TJP1: variants seen among roughly 807,000 people sequenced by gnomAD.
TJP1 encodes the protein tight junction protein 1.
A neutral mutation model predicts 194.2 loss-of-function variants in TJP1; 43 were observed. The ratio of observed to expected loss-of-function variants is 0.22; its 90% CI spans 0.17 to 0.29. The LOEUF (loss-of-function observed/expected upper bound fraction) is 0.29. Among genes scored for constraint, TJP1 ranks in the 10% least tolerant of loss-of-function variants. The pLI is 1.00. For synonymous variants in TJP1, 801 were observed against 779.0 expected, an observed-to-expected ratio of 1.03 and a Z score of -0.47; for missense variants, 1,971 against 2,185.7, an observed-to-expected ratio of 0.90 and a Z score of 1.96.
At chr15:29,775,028 C>G (rs750187170) in intron 2 of TJP1, among the ~76,000 whole-genome samples, 1 of 152,084 alleles carries the variant, frequency 6.6e-6, no homozygotes, top group South Asian at 2.1e-4. Flanking sequence ...AATTGCACAC[C>G]GTTATGAGCA....
At chr15:29,947,856 G>T (rs1036704172) in intron 2 of TJP1, among the ~76,000 whole-genome samples, 10 of 152,192 alleles carry the variant, frequency 6.6e-5, no homozygotes, top group African/African-American at 2.2e-4. Flanking sequence ...GGGCAGCCTG[G>T]AACAGTGCGG....
chr15:29,712,458 C>T (rs1260750374), intron 23 of TJP1, among the ~76,000 whole-genome samples: 1 of 152,144 alleles, frequency 6.6e-6, no homozygotes, highest in Non-Finnish European at 1.5e-5. Context: ...AGAAAATGGT[C>T]AATCTAACTA....
intron 11 of TJP1, 27 bp downstream of exon 11, chr15:29,737,237 C>T (rs1277666226): frequency 1.9e-6 from 3 of 1,608,334 alleles, no homozygotes; most frequent in Non-Finnish European, 2.6e-6. Flanking sequence ...TACTTTTTAA[C>T]CCACATAAGT....
chr15:29,913,762 G>A (rs1232526361), intron 2 of TJP1, among the ~76,000 whole-genome samples: 1 of 152,110 alleles, frequency 6.6e-6, no homozygotes. Context: ...GGGAGGAAAA[G>A]GGGTATCATT....
chr15:29,886,192 A>T (rs149423642), intron 2 of TJP1, among the ~76,000 whole-genome samples: 2 of 152,356 alleles, frequency 1.3e-5, no homozygotes, highest in African/African-American at 4.8e-5. Context: ...ATATCAAAAC[A>T]TATTGTTTAA....
chr15:29,828,802 C>T (rs2152039927), intron 2 of TJP1, among the ~76,000 whole-genome samples: 1 of 148,674 alleles, frequency 6.7e-6, no homozygotes. Flanking sequence ...GGCTTGATCT[C>T]TGCTCACTGC....
chr15:29,830,019 C>G (rs1224133278), intron 2 of TJP1, among the ~76,000 whole-genome samples: 1 of 150,020 alleles, frequency 6.7e-6, no homozygotes, highest in African/African-American at 2.5e-5. Flanking sequence ...AAAAAAAATA[C>G]AATGAAATTT....
chr15:29,890,138 C>T (rs185631691), intron 2 of TJP1, among the ~76,000 whole-genome samples: 23 of 152,300 alleles, frequency 1.5e-4, no homozygotes, highest in African/African-American at 5.5e-4. Context: ...GAGTGGCCAT[C>T]CACCCCGACC....
chr15:29,776,551 A>G (rs1301518740), intron 2 of TJP1, among the ~76,000 whole-genome samples: 1 of 152,222 alleles, frequency 6.6e-6, no homozygotes, highest in African/African-American at 2.4e-5. Flanking sequence ...GGAGAGTAAC[A>G]ATGTACAGTT....
chr15:29,717,197 T>C (rs544222519), intron 22 of TJP1, among the ~76,000 whole-genome samples: 6 of 152,244 alleles, frequency 3.9e-5, no homozygotes, highest in African/African-American at 1.4e-4. Context: ...GAACAGTAAA[T>C]GATAGACTTT....
Position 29,701,367 on chromosome 15 carries a change from C to A in TJP1, c.*228G>T, listed in dbSNP as rs1300656067. On this transcript the variant is annotated 3_prime_UTR_variant, in exon 28 of 28. Transcript: ENST00000614355. ...AATCACAAAGCAAAATATCTTTGAA[C>A]CTCTAGCCAATACCAACAGTCCCGT... 1 of 414,674 alleles carries A rather than the reference C, an allele frequency of 2.4e-6. No homozygotes were observed. The highest frequency in any genetic ancestry group is 4.3e-6 in the Non-Finnish European group (1 of 232,216). The allele number at this position is 414,674 out of a possible 1,614,324, so 25.7% of individuals were successfully genotyped here.
intron 2 of TJP1, among the ~76,000 whole-genome samples, chr15:29,926,217 A>T (rs934371869): frequency 6.6e-6 from 1 of 152,244 alleles, no homozygotes; most frequent in Non-Finnish European, 1.5e-5. Context: ...GCAAAAGCTG[A>T]TATTTTTTTA....
chr15:29,942,720 C>T (rs1022678265), intron 2 of TJP1, among the ~76,000 whole-genome samples: 12 of 152,208 alleles, frequency 7.9e-5, no homozygotes, highest in African/African-American at 2.9e-4. Flanking sequence ...TGGCAGTGGG[C>T]CACAGCACAC....
At chr15:29,703,255 G>A (rs577058131) in intron 27 of TJP1, among the ~76,000 whole-genome samples, 1 of 152,068 alleles carries the variant, frequency 6.6e-6, no homozygotes. Context: ...GTTCGAACCA[G>A]CCTGGCCAAC....
intron 8 of TJP1, chr15:29,759,192 C>T (rs529161743): frequency 6.6e-6 from 1 of 152,336 alleles, no homozygotes; most frequent in African/African-American, 2.4e-5. Flanking sequence ...CAGTTCTCTG[C>T]CTTCTTTCCA....
At chr15:29,874,417 C>T (rs944187925) in intron 2 of TJP1, among the ~76,000 whole-genome samples, 3 of 152,150 alleles carry the variant, frequency 2.0e-5, no homozygotes, top group South Asian at 2.1e-4. Context: ...GCAAACGACA[C>T]ATCTTAGTTG....
At chr15:29,733,887 T>C (rs993545654) in intron 12 of TJP1, among the ~76,000 whole-genome samples, 1 of 152,176 alleles carries the variant, frequency 6.6e-6, no homozygotes, top group Non-Finnish European at 1.5e-5. Flanking sequence ...ACAGAAAAAA[T>C]GGAGTTTTCT....
chr15:29,935,100 T>C (rs2054840227), intron 2 of TJP1, among the ~76,000 whole-genome samples: 5 of 152,234 alleles, frequency 3.3e-5, no homozygotes, highest in Admixed American at 3.3e-4. Flanking sequence ...CAGATGTTTC[T>C]TCTATTGCTC....
rs1449417245 is a variant in TJP1 at position 29,726,495 on chromosome 15, C to A, written c.2312-16G>T. The A allele has an allele frequency of 6.2e-7, 1 of 1,611,564 alleles. No homozygotes were observed. The highest frequency in any genetic ancestry group is 8.5e-7 in the Non-Finnish European group (1 of 1,178,054). On this transcript the variant is annotated splice_polypyrimidine_tract_variant and intron_variant, in intron 17 of 27. Transcript: ENST00000614355. The stretch of plus-strand genomic sequence containing the variant: ...TTAATTGTAGCTGAAAATAAATTAA[C>A]GATGTAGTTTTATGGTTAGAGCACT...
Sources: allele counts gnomAD v4.1 joint callset (sites outside exome capture counted in the v4.1 genomes callset), GRCh38; gene constraint gnomAD v4.1.1; transcripts MANE v1.5; gene names NCBI Gene and HGNC (gene_info 2026-07-23, HGNC 2026-07-21).